The following PRKN variants were observed in gnomAD, a reference collection of about 807,000 sequenced individuals.
PRKN encodes the protein E3 ubiquitin-protein ligase parkin.
PRKN carries 56 observed loss-of-function variants against 59.5 expected under a neutral mutation model. The ratio of observed to expected loss-of-function variants is 0.94; its 90% CI spans 0.76 to 1.18. The LOEUF is 1.18. Ranked by LOEUF, PRKN falls within the 50% of genes most tolerant of loss-of-function variation. The pLI is 0.00. For missense variants in PRKN, 657 were observed against 596.4 expected (o/e 1.10, Z -1.06); for synonymous variants, 250 against 222.1 (o/e 1.13, Z -1.12).
At position 161,397,161 on chromosome 6, in the gene PRKN, A is replaced by T. The variant is rs554713904; in HGVS notation, c.1084-10284T>A. Among the ~76,000 whole-genome samples the T allele has an allele frequency of 1.9e-3, 285 of 152,280 alleles. No homozygotes were observed. The highest frequency in any genetic ancestry group is 3.2e-3 in the Non-Finnish European group (215 of 68,028). On this transcript the variant is annotated intron_variant, in intron 9 of 11. Coordinates refer to ENST00000366898, the MANE Select transcript of PRKN (RefSeq NM_004562.3). This position sits in a 1 kb window ranked among gnomAD's most constrained non-coding sequence, Gnocchi z 4.2. ...CTATCTCCTCTTCTAAAGGGATAGG[A>T]TTTGTATCTTATTCATCTTTGTCTT...
intron 1 of PRKN, among the ~76,000 whole-genome samples, chr6:162,494,148 T>C (rs10945839): frequency 0.54 from 81,739 of 152,002 alleles, 22,214 homozygotes; most frequent in African/African-American, 0.62. Flanking sequence ...TGTGGTGCAC[T>C]ATAAATAAGA....
intron 5 of PRKN, among the ~76,000 whole-genome samples, chr6:162,043,091 A>G (rs1784125118): frequency 6.6e-6 from 1 of 152,184 alleles, no homozygotes; most frequent in Non-Finnish European, 1.5e-5. Context: ...AAAATGAGGA[A>G]GAAGCAAAAG....
chr6:162,076,465 G>A lies in PRKN; in HGVS notation c.535-22291C>T, dbSNP rs374396543. Among the ~76,000 whole-genome samples, 7 of 152,108 alleles carry A rather than the reference G, an allele frequency of 4.6e-5. No individual in the cohort carries two copies. The South Asian group carries it at 1.0e-3, about 23-fold the overall frequency. On this transcript the variant is annotated intron_variant, in intron 4 of 11. Transcript: ENST00000366898. ...GAGCCTTTTCACTTCAAGATATTCCGATGCCTCTTTCTTGTTTCCTCTCTT... is the reference window on the plus strand; with the variant it reads ...GAGCCTTTTCACTTCAAGATATTCCAATGCCTCTTTCTTGTTTCCTCTCTT...
In PRKN at chr6:161,769,357, A is replaced by G. The variant is rs114414633; in HGVS notation, c.871+16415T>C. Reference sequence around the variant, plus strand: ...AGTTCAGAATTCTCTTCATTTTAAAACGAGGAAATCAGCTCGACATCCAGT... The same window carrying G: ...AGTTCAGAATTCTCTTCATTTTAAAGCGAGGAAATCAGCTCGACATCCAGT... On this transcript the variant is annotated intron_variant, in intron 7 of 11. Transcript: ENST00000366898. 9.3e-3 allele frequency among the ~76,000 whole-genome samples: 1,416 copies of G among 152,184 alleles called. 27 individuals carry two copies. Among genetic ancestry groups the G allele is most frequent in the South Asian group, 0.036 (175 of 4,810 alleles).
At chr6:161,724,019 A>G (rs1351883370) in intron 7 of PRKN, among the ~76,000 whole-genome samples, 1 of 152,182 alleles carries the variant, frequency 6.6e-6, no homozygotes, top group East Asian at 1.9e-4. Flanking sequence ...AGTGTGTTTT[A>G]GAAAATGTGG....
At chr6:161,937,265 G>A (rs1779393462) in intron 6 of PRKN, among the ~76,000 whole-genome samples, 1 of 152,128 alleles carries the variant, frequency 6.6e-6, no homozygotes, top group Admixed American at 6.5e-5. Context: ...GAGAAATAAA[G>A]TTACATTTTT....
At chr6:162,578,849 A>T (rs1780666602) in intron 1 of PRKN, among the ~76,000 whole-genome samples, 1 of 152,220 alleles carries the variant, frequency 6.6e-6, no homozygotes, top group African/African-American at 2.4e-5. Flanking sequence ...AGTCTAACTT[A>T]TGTCATATTT....
rs1454377891 is a variant in PRKN, at chr6:161,588,820, C to A, written c.872-19404G>T. Among the ~76,000 whole-genome samples, 1 of 151,992 alleles carries A rather than the reference C, an allele frequency of 6.6e-6. No individual in the cohort carries two copies. Among genetic ancestry groups the A allele is most frequent in the Admixed American group, 6.6e-5 (1 of 15,246 alleles). On this transcript the variant is annotated intron_variant, in intron 7 of 11. Coordinates refer to ENST00000366898, the MANE Select transcript of PRKN (RefSeq NM_004562.3). The surrounding 1 kb of genome is among the most constrained non-coding windows in gnomAD (Gnocchi z 5.0). ...TAATTTTGGCACAAGCCTAGGACTG[C>A]CAGATTTAGCAAATAAAAATACAGG...
In PRKN at chr6:161,448,530, G is replaced by A. The variant is rs776269067; in HGVS notation, c.1084-61653C>T. On this transcript the variant is annotated intron_variant, in intron 9 of 11. Transcript: ENST00000366898. This position sits in a 1 kb window ranked among gnomAD's most constrained non-coding sequence, Gnocchi z 5.1. The stretch of plus-strand genomic sequence containing the variant: ...AAGGTTACAGACATAAAGATCTTGC[G>A]ATTCTCTTATCCCAGTTTCTTCCGT... 3.3e-5 allele frequency among the ~76,000 whole-genome samples: 5 copies of A among 152,174 alleles called. No homozygotes were observed. The highest frequency in any genetic ancestry group is 4.8e-5 in the African/African-American group (2 of 41,436).
intron 6 of PRKN, among the ~76,000 whole-genome samples, chr6:161,912,630 T>C (rs999931747): frequency 6.6e-6 from 1 of 151,914 alleles, no homozygotes; most frequent in Non-Finnish European, 1.5e-5. Context: ...GGAGGCTACA[T>C]GGAGAAGAGC....
intron 6 of PRKN, among the ~76,000 whole-genome samples, chr6:161,897,362 C>T (rs544170188): frequency 1.7e-4 from 26 of 152,264 alleles, no homozygotes; most frequent in East Asian, 1.4e-3. Context: ...TTCAGATATG[C>T]GGTCACCTTA....
intron 4 of PRKN, among the ~76,000 whole-genome samples, chr6:162,068,804 G>C (rs778524126): frequency 4.1e-5 from 6 of 145,200 alleles, no homozygotes; most frequent in African/African-American, 1.5e-4. Context: ...AATTTCACAT[G>C]AGCATGTACA....
intron 4 of PRKN, among the ~76,000 whole-genome samples, chr6:162,143,565 C>G (rs1330627348): frequency 6.6e-6 from 1 of 152,108 alleles, no homozygotes. Flanking sequence ...GACTTTGTTC[C>G]TAGCAGGTGA....
At chr6:161,465,849 A>G (rs1320547920) in intron 9 of PRKN, among the ~76,000 whole-genome samples, 1 of 152,058 alleles carries the variant, frequency 6.6e-6, no homozygotes, top group Non-Finnish European at 1.5e-5. Flanking sequence ...CCAATTACAC[A>G]GTGTTTGATA....
intron 2 of PRKN, among the ~76,000 whole-genome samples, chr6:162,279,940 C>T (rs969177737): frequency 2.6e-5 from 4 of 152,098 alleles, no homozygotes; most frequent in Non-Finnish European, 5.9e-5. Flanking sequence ...CTTTCTTTGT[C>T]TGTTTTGATC....
chr6:161,927,940 G>A (rs1229037542), intron 6 of PRKN, among the ~76,000 whole-genome samples: 1 of 152,170 alleles, frequency 6.6e-6, no homozygotes, highest in East Asian at 1.9e-4. Flanking sequence ...TAACATTTAT[G>A]TTTGCTTACT....
chr6:161,969,039 G>C (rs1780694815), intron 6 of PRKN, among the ~76,000 whole-genome samples: 1 of 152,070 alleles, frequency 6.6e-6, no homozygotes, highest in Admixed American at 6.6e-5. Flanking sequence ...TTATCAAATA[G>C]GCAAAGACAA....
intron 1 of PRKN, among the ~76,000 whole-genome samples, chr6:162,612,748 T>C (rs1166186595): frequency 6.6e-6 from 1 of 152,110 alleles, no homozygotes; most frequent in African/African-American, 2.4e-5. Context: ...GAGTTACGCT[T>C]TCCAGACGCA....
At chr6:162,101,166 G>C (rs149263059) in intron 4 of PRKN, among the ~76,000 whole-genome samples, 1 of 151,868 alleles carries the variant, frequency 6.6e-6, no homozygotes, top group Non-Finnish European at 1.5e-5. Flanking sequence ...TCAATACCAC[G>C]CAGCTTTTCC....
Sources: allele counts gnomAD v4.1 joint callset (sites outside exome capture counted in the v4.1 genomes callset), GRCh38; gene constraint gnomAD v4.1.1; non-coding constraint Gnocchi (gnomAD v3.1); transcripts MANE v1.5; gene names NCBI Gene and HGNC (gene_info 2026-07-23, HGNC 2026-07-21).